PDE4D: variants seen among roughly 807,000 people sequenced by gnomAD.
PDE4D encodes phosphodiesterase 4D, also known as 3',5'-cyclic-AMP phosphodiesterase 4D.
Under a neutral mutation model 87.4 loss-of-function variants are expected in PDE4D, and 24 were observed. The observed-to-expected ratio is 0.27, with a 90% CI of 0.20 to 0.39. The LOEUF is 0.39. PDE4D is among the 10% of genes least tolerant of loss of function. The probability of loss-of-function intolerance (pLI) is 1.00; values close to 1 mark genes in which losing one functional copy is unlikely to be tolerated. For synonymous variants in PDE4D, 384 were observed against 383.2 expected (o/e 1.00, Z -0.02); for missense variants, 714 against 1,041.0 (o/e 0.69, Z 4.32).
chr5:59,962,922 TCTGAACCAGCTTCGGGC>T (rs1354140213), intron 3 of PDE4D, among the ~76,000 whole-genome samples: 1 of 152,190 alleles, frequency 6.6e-6, no homozygotes, highest in Non-Finnish European at 1.5e-5. Context: ...GAATTCCATA[TCTGAACCAGCTTCGGGC>T]CCAGGTTCCA....
intron 1 of PDE4D, among the ~76,000 whole-genome samples, chr5:60,480,398 A>G (rs2150214352): frequency 6.6e-6 from 1 of 152,266 alleles, no homozygotes; most frequent in African/African-American, 2.4e-5. Flanking sequence ...AAAGCATTTT[A>G]CGTATATTAA....
At chr5:60,370,740 CA>C (rs1278988913) in intron 1 of PDE4D, among the ~76,000 whole-genome samples, 1 of 151,672 alleles carries the variant, frequency 6.6e-6, no homozygotes, top group Non-Finnish European at 1.5e-5. Context: ...ACAAGGATCC[CA>C]AATCTAGTTT....
At chr5:59,391,831 C>T (rs750425517) in intron 1 of PDE4D, among the ~76,000 whole-genome samples, 4 of 151,752 alleles carry the variant, frequency 2.6e-5, no homozygotes, top group Admixed American at 2.0e-4. Flanking sequence ...CTTAAAATTC[C>T]ACCACCCACC....
At chr5:60,394,451 C>T (rs1038305110) in intron 1 of PDE4D, among the ~76,000 whole-genome samples, 1 of 152,136 alleles carries the variant, frequency 6.6e-6, no homozygotes, top group Non-Finnish European at 1.5e-5. Flanking sequence ...TTATGAAGAA[C>T]TTTGAACTCG....
intron 5 of PDE4D, among the ~76,000 whole-genome samples, chr5:59,084,570 C>T (rs1043694723): frequency 7.3e-5 from 11 of 151,572 alleles, no homozygotes; most frequent in Admixed American, 6.6e-5. Context: ...AGTTAATATT[C>T]TTAATCTCTA....
At chr5:60,089,178 C>G (rs941713347) in intron 2 of PDE4D, among the ~76,000 whole-genome samples, 6 of 151,934 alleles carry the variant, frequency 3.9e-5, no homozygotes, top group Non-Finnish European at 8.8e-5. Flanking sequence ...AAACTTTACT[C>G]TAGATCAAAT....
chr5:60,366,564 A>T lies in PDE4D; in HGVS notation c.-90+121378T>A, dbSNP rs117355796. Among the ~76,000 whole-genome samples the T allele has an allele frequency of 1.2e-4, 18 of 152,328 alleles. No individual in the cohort carries two copies. In the East Asian group the frequency reaches 2.7e-3, roughly 23 times the overall value. ...GTACCAGGCACATCTCAGGGTAGCCATGATGTCAATGAACCTTAGTGGCAA... is the reference window on the plus strand; with the variant it reads ...GTACCAGGCACATCTCAGGGTAGCCTTGATGTCAATGAACCTTAGTGGCAA... On this transcript the variant is annotated intron_variant, in intron 1 of 16. Coordinates refer to the PDE4D transcript ENST00000502484.
chr5:59,335,253 G>A (rs1190947488), intron 1 of PDE4D, among the ~76,000 whole-genome samples: 1 of 152,134 alleles, frequency 6.6e-6, no homozygotes, highest in Non-Finnish European at 1.5e-5. Flanking sequence ...TAGTAGTGAA[G>A]ATCTCAGATT....
At chr5:60,060,046 T>A (rs1461886353) in intron 2 of PDE4D, among the ~76,000 whole-genome samples, 3 of 151,858 alleles carry the variant, frequency 2.0e-5, no homozygotes, top group Non-Finnish European at 4.4e-5. Flanking sequence ...CAGTCCAAGA[T>A]ACACAAATAA....
At chr5:60,506,021 C>A (rs532691212) in intron 1 of PDE4D, among the ~76,000 whole-genome samples, 1 of 152,324 alleles carries the variant, frequency 6.6e-6, no homozygotes, top group East Asian at 1.9e-4. Flanking sequence ...CAGATGCCAG[C>A]CTGTTGGTAC....
In PDE4D at chr5:60,324,184, A is replaced by G. The variant is rs920400928; in HGVS notation, c.-89-138497T>C. Reference sequence around the variant, plus strand: ...AAGAATTTTTGTTGGGTGAATGAACAAATGAATAAATTGACTATTTACTAT... The same window carrying G: ...AAGAATTTTTGTTGGGTGAATGAACGAATGAATAAATTGACTATTTACTAT... On this transcript the variant is annotated intron_variant, in intron 1 of 16. Coordinates refer to the PDE4D transcript ENST00000502484. Among the ~76,000 whole-genome samples the G allele has an allele frequency of 2.0e-5, 3 of 152,216 alleles. No individual in the cohort carries two copies. In the East Asian group the frequency reaches 5.8e-4, roughly 29 times the overall value.
chr5:59,994,829 A>C lies in PDE4D; in HGVS notation c.43-6112T>G, dbSNP rs546561255. Among the ~76,000 whole-genome samples, 4 of 152,288 alleles carry C rather than the reference A, an allele frequency of 2.6e-5. No homozygotes were observed. In the South Asian group the frequency reaches 6.2e-4, roughly 24 times the overall value. The stretch of plus-strand genomic sequence containing the variant: ...AGTACTATTTTATGTGTATATCTCT[A>C]AAGGAGTTCAACCTATCTTAATTGT... On this transcript the variant is annotated intron_variant, in intron 2 of 16. Transcript: ENST00000502484.
At chr5:59,089,328 T>A (rs1039072226) in intron 5 of PDE4D, among the ~76,000 whole-genome samples, 1 of 152,194 alleles carries the variant, frequency 6.6e-6, no homozygotes, top group African/African-American at 2.4e-5. Flanking sequence ...TTGGTATCAA[T>A]TTTAGTTGAC....
intron 4 of PDE4D, among the ~76,000 whole-genome samples, chr5:59,182,341 T>C (rs1328646654): frequency 6.6e-6 from 1 of 151,892 alleles, no homozygotes; most frequent in Non-Finnish European, 1.5e-5. Flanking sequence ...CACTACAGCC[T>C]AGAACTCCTG....
At chr5:59,600,707 G>A (rs539489783) in intron 1 of PDE4D, among the ~76,000 whole-genome samples, 2 of 152,222 alleles carry the variant, frequency 1.3e-5, no homozygotes, top group East Asian at 3.9e-4. Flanking sequence ...CAAGTAGCTG[G>A]TGGGTGAGCT....
chr5:59,942,564 CGAGA>C (rs1757300274), intron 3 of PDE4D, among the ~76,000 whole-genome samples: 1 of 151,764 alleles, frequency 6.6e-6, no homozygotes, highest in South Asian at 2.1e-4. Flanking sequence ...CAGATCAAGC[CGAGA>C]GAGAATAGTG....
At chr5:59,595,503 G>A (rs962773061) in intron 1 of PDE4D, among the ~76,000 whole-genome samples, 2 of 152,196 alleles carry the variant, frequency 1.3e-5, no homozygotes, top group Non-Finnish European at 2.9e-5. Flanking sequence ...TTATGTTGTT[G>A]TAAGAATATT....
chr5:59,084,820 A>G (rs1767380024), intron 5 of PDE4D, among the ~76,000 whole-genome samples: 1 of 152,188 alleles, frequency 6.6e-6, no homozygotes, highest in South Asian at 2.1e-4. Context: ...TTGCCATTAG[A>G]CACACAAAAC....
intron 5 of PDE4D, among the ~76,000 whole-genome samples, chr5:59,120,625 A>T (rs906242879): frequency 6.6e-6 from 1 of 152,166 alleles, no homozygotes; most frequent in Non-Finnish European, 1.5e-5. Flanking sequence ...CTACAGATTC[A>T]ATGCAATCCC....
Sources: gnomAD v4.1 joint callset for allele counts (sites outside exome capture counted in the v4.1 genomes callset) on GRCh38, gnomAD v4.1.1 for gene constraint, MANE v1.5 for transcripts, NCBI Gene and HGNC (gene_info 2026-07-23, HGNC 2026-07-21) for gene names.